DDIAS: variants seen among roughly 807,000 people sequenced by gnomAD.
DDIAS encodes DNA damage-induced apoptosis suppressor protein.
Under a neutral mutation model 15.7 loss-of-function variants are expected in DDIAS, and 14 were observed. That is an observed-to-expected ratio of 0.89 (90% CI 0.59 to 1.39). The LOEUF (loss-of-function observed/expected upper bound fraction) is 1.39. DDIAS is among the 40% of genes most tolerant of loss of function. The pLI is 0.00. For synonymous variants in DDIAS, 355 were observed against 395.9 expected (o/e 0.90, Z 1.23); for missense variants, 1,035 against 1,130.9 (o/e 0.92, Z 1.22).
chr11:82,916,792 A>G (rs1860640407), intron 3 of DDIAS, among the ~76,000 whole-genome samples: 1 of 152,222 alleles, frequency 6.6e-6, no homozygotes, highest in Non-Finnish European at 1.5e-5. Context: ...CAACCTTTAA[A>G]GGAGACAACT....
intron 1 of DDIAS, among the ~76,000 whole-genome samples, chr11:82,902,405 C>A (rs748983419): frequency 1.9e-4 from 29 of 151,972 alleles, no homozygotes; most frequent in Non-Finnish European, 3.7e-4. Context: ...CCCCCGCCGC[C>A]CCAGCTGGTT....
At chr11:82,927,288 C>A (rs1860882375) in intron 3 of DDIAS, among the ~76,000 whole-genome samples, 1 of 152,052 alleles carries the variant, frequency 6.6e-6, no homozygotes, top group Non-Finnish European at 1.5e-5. Context: ...GAGTTTTATC[C>A]CCTAGTGAGT....
chr11:82,932,232 T>C lies in DDIAS; in HGVS notation c.894T>C (p.Leu298=), dbSNP rs1251719771. 1 of 1,613,640 alleles carries C rather than the reference T, an allele frequency of 6.2e-7. No homozygotes were observed. Among genetic ancestry groups the C allele is most frequent in the Non-Finnish European group, 8.5e-7 (1 of 1,179,914 alleles). Residue 298 remains leucine, a synonymous_variant, in exon 6 of 6, where the codon CTT becomes CTC. Coordinates refer to ENST00000533655, the MANE Select transcript of DDIAS (RefSeq NM_145018.4). ...CHDPIQDSWS[L]VSYMDKKSTA... is the part of the protein sequence containing the mutation. ...ATCCCATTCAGGATTCATGGAGCCT[T>C]GTTTCATATATGGATAAAAAGAGTA...
intron 3 of DDIAS, among the ~76,000 whole-genome samples, chr11:82,928,283 C>A (rs1031996923): frequency 7.5e-6 from 1 of 132,544 alleles, no homozygotes; most frequent in African/African-American, 2.8e-5. Context: ...ACTGCAAGAT[C>A]CACCTCCCGG....
Position 82,932,473 on chromosome 11 carries a change from G to C in DDIAS, c.1135G>C (p.Asp379His). 6.2e-7 allele frequency: 1 copy of C among 1,614,188 alleles called. No individual in the cohort carries two copies. Among genetic ancestry groups the C allele is most frequent in the Non-Finnish European group, 8.5e-7 (1 of 1,180,042 alleles). The change falls in exon 6 of 6, where the codon GAT becomes CAT. Residue 379 changes from aspartate to histidine, a missense_variant. By Grantham distance (81) the Asp-to-His change is moderately conservative. Coordinates refer to ENST00000533655, the MANE Select transcript of DDIAS (RefSeq NM_145018.4). ...ACCATGTTTTCAGCATCATGGTATA[G>C]ATACCCCAACTAGCCTTCAGAAGAG... ...ELPCFQHHGI[D>H]TPTSLQKRSA...
intron 3 of DDIAS, chr11:82,922,775 T>C: frequency 6.6e-6 from 1 of 152,222 alleles, no homozygotes; most frequent in East Asian, 1.9e-4. Flanking sequence ...TTTGTCATAT[T>C]ACCAGAGTTG....
chr11:82,929,112 A>G (rs1860931226), intron 4 of DDIAS, among the ~76,000 whole-genome samples, 174 bp downstream of exon 4: 1 of 152,236 alleles, frequency 6.6e-6, no homozygotes, highest in Non-Finnish European at 1.5e-5. Context: ...TATTATGATG[A>G]TATTAAAACA....
chr11:82,931,962 T>A lies in DDIAS; in HGVS notation c.624T>A (p.Asp208Glu), dbSNP rs1363982705. 2 of 1,614,136 alleles carry A rather than the reference T, an allele frequency of 1.2e-6. No individual in the cohort carries two copies. The highest frequency in any genetic ancestry group is 4.5e-5 in the East Asian group (2 of 44,874). ...CTAACAATCACTTACTTGCTTTAGA[T>A]CACTCAAATAGTGATCTCAGCAGCA... Reference protein sequence around the residue: ...QAPNNHLLALDHSNSDLSSIY... With the variant: ...QAPNNHLLALEHSNSDLSSIY... Residue 208 changes from aspartate (D) to glutamate (E), a missense_variant, in exon 6 of 6, where the codon GAT becomes GAA. Asp to Glu is a conservative substitution (Grantham distance 45, BLOSUM62 2). Transcript: ENST00000533655.
chr11:82,933,370 G>A lies in DDIAS; in HGVS notation c.2032G>A (p.Asp678Asn), dbSNP rs1223871221. The change falls in exon 6 of 6, where the codon GAT becomes AAT. Residue 678 changes from aspartate to asparagine, a missense_variant. Asp to Asn is a conservative substitution (Grantham distance 23). Transcript: ENST00000533655. Reference protein sequence around the residue: ...GYEGSYDASADLFDDIAKEMD... With the variant: ...GYEGSYDASANLFDDIAKEMD... ...TGAAGGTAGCTATGATGCCTCTGCT[G>A]ATCTCTTTGATGATATTGCTAAAGA... The A allele has an allele frequency of 6.2e-7, 1 of 1,613,860 alleles. No individual in the cohort carries two copies. Among genetic ancestry groups the A allele is most frequent in the Non-Finnish European group, 8.5e-7 (1 of 1,179,952 alleles).
At position 82,932,943 on chromosome 11, in the gene DDIAS, G is replaced by C. The variant is rs139413374; in HGVS notation, c.1605G>C (p.Pro535=). The change falls in exon 6 of 6, where the codon CCG becomes CCC. Residue 535 remains proline (P), a synonymous_variant. Coordinates refer to ENST00000533655, the MANE Select transcript of DDIAS (RefSeq NM_145018.4). ...NGRDMSEYFL[P]NPYLSALSSS... ...GAGATATGTCAGAATATTTTTTACC[G>C]AATCCTTACCTGTCAGCTCTGTCTT... 18 of 1,611,456 alleles carry C rather than the reference G, an allele frequency of 1.1e-5. No individual in the cohort carries two copies. The Admixed American group carries it at 3.0e-4, about 27-fold the overall frequency.
Position 82,931,854 on chromosome 11 carries a change from T to TG in DDIAS, c.517dup (p.Ala173GlyfsTer7). 1 of 1,614,236 alleles carries TG rather than the reference T, an allele frequency of 6.2e-7. No individual in the cohort carries two copies. Among genetic ancestry groups the TG allele is most frequent in the Non-Finnish European group, 8.5e-7 (1 of 1,180,044 alleles). On this transcript the variant is annotated frameshift_variant, in exon 6 of 6. Coordinates refer to ENST00000533655, the MANE Select transcript of DDIAS (RefSeq NM_145018.4). LOFTEE classifies it low-confidence loss of function (END_TRUNC). ...AGATTGTTCTACCAGACCCAGGTAT[T>TG]GCAGGCTTTACTGTCATTGACTACT...
chr11:82,930,379 C>T (rs1860957548), intron 5 of DDIAS, 105 bp downstream of exon 5: 1 of 802,824 alleles, frequency 1.2e-6, no homozygotes, highest in African/African-American at 1.8e-5. Flanking sequence ...ATGTGAAGGC[C>T]TGTAGAAACA....
At chr11:82,914,550 T>A (rs2121329066) in intron 2 of DDIAS, 173 bp from the exon 3 acceptor site, 1 of 491,244 alleles carries the variant, frequency 2.0e-6, no homozygotes, top group East Asian at 3.5e-5. Context: ...CTATTAATAT[T>A]TTAAGGAGAA....
At chr11:82,924,592 T>C (rs191996635) in intron 3 of DDIAS, among the ~76,000 whole-genome samples, 4 of 152,254 alleles carry the variant, frequency 2.6e-5, no homozygotes, top group Admixed American at 2.6e-4. Context: ...GATGGGAGGA[T>C]TGCTTGAGTC....
rs1211451276 is a variant in DDIAS, at chr11:82,901,786, T to C, written c.-153T>C. On this transcript the variant is annotated 5_prime_UTR_variant, in exon 1 of 6. Coordinates refer to ENST00000533655, the MANE Select transcript of DDIAS (RefSeq NM_145018.4). ...TGAGTTCGGCCGGTCCGAGTCACTG[T>C]GCGTCGCCTGGGCCCGTTCCTGGTC... 1 of 152,132 alleles carries C rather than the reference T, an allele frequency of 6.6e-6. No individual in the cohort carries two copies. The highest frequency in any genetic ancestry group is 1.9e-4 in the East Asian group (1 of 5,176). The allele number at this position is 152,132 out of a possible 1,614,324, so 9.4% of individuals were successfully genotyped here. A position where few individuals can be genotyped will look rare whatever the true frequency, so the allele number is the denominator to read the frequency against.
At chr11:82,910,577 C>G (rs1210241494) in intron 1 of DDIAS, among the ~76,000 whole-genome samples, 2 of 141,682 alleles carry the variant, frequency 1.4e-5, no homozygotes, top group African/African-American at 5.1e-5. Flanking sequence ...TGCCACAGAT[C>G]AAGCTTTTAA....
intron 3 of DDIAS, among the ~76,000 whole-genome samples, chr11:82,924,649 A>G (rs1285651341): frequency 6.6e-6 from 1 of 152,124 alleles, no homozygotes; most frequent in African/African-American, 2.4e-5. Context: ...CCTATCCTCT[A>G]CCAAAAATAA....
intron 3 of DDIAS, chr11:82,922,749 T>C (rs1860780639): frequency 6.6e-6 from 1 of 152,060 alleles, no homozygotes; most frequent in Non-Finnish European, 1.5e-5. Context: ...TTTTTGGAGG[T>C]GTTAAAGAGC....
At chr11:82,921,583 T>G (rs1447617230) in intron 3 of DDIAS, among the ~76,000 whole-genome samples, 2 of 143,786 alleles carry the variant, frequency 1.4e-5, no homozygotes, top group African/African-American at 5.1e-5. Context: ...TTTTTTTTTT[T>G]TTTTTTTTTT....
Sources: gnomAD v4.1 joint callset for allele counts (sites outside exome capture counted in the v4.1 genomes callset) on GRCh38, gnomAD v4.1.1 for gene constraint, MANE v1.5 for transcripts, NCBI Gene and HGNC (gene_info 2026-07-23, HGNC 2026-07-21) for gene names.